The following C15orf40 variants were observed in gnomAD, a reference collection of about 807,000 sequenced individuals.
C15orf40 encodes the protein chromosome 15 open reading frame 40.
In C15orf40, 9 loss-of-function variants were observed where a neutral mutation model predicts 13.9. The ratio of observed to expected loss-of-function variants is 0.65; its 90% confidence interval spans 0.39 to 1.13. The LOEUF (loss-of-function observed/expected upper bound fraction) is 1.13. Ranked by LOEUF, C15orf40 falls within the 50% of genes most tolerant of loss-of-function variation. The pLI, the probability that C15orf40 is intolerant of heterozygous loss-of-function variation, is 0.01. For missense variants in C15orf40, 225 were observed against 188.5 expected (o/e 1.19, Z -1.13); for synonymous variants, 95 against 69.2 (o/e 1.37, Z -1.85).
downstream of C15orf40, among the ~76,000 whole-genome samples, chr15:82,993,004 AAAAT>A (rs933795107): frequency 7.4e-4 from 113 of 152,382 alleles, no homozygotes; most frequent in African/African-American, 2.6e-3. Context: ...GAGAGCAAAT[AAAAT>A]AGTGTCAAAT....
intron 2 of C15orf40, among the ~76,000 whole-genome samples, chr15:83,009,007 T>C (rs889184063): frequency 7.2e-5 from 11 of 152,184 alleles, no homozygotes; most frequent in African/African-American, 2.7e-4. Context: ...CAGGGAGTCA[T>C]AGATGGCCTT....
At chr15:83,009,228 C>T (rs2031865609) in intron 2 of C15orf40, among the ~76,000 whole-genome samples, 1 of 152,204 alleles carries the variant, frequency 6.6e-6, no homozygotes, top group Non-Finnish European at 1.5e-5. Context: ...TAAGCACACA[C>T]AAATGTGTTA....
rs2031579843 is a variant in C15orf40 at position 83,004,702 on chromosome 15, T to A, written c.*895A>T. On this transcript the variant is annotated 3_prime_UTR_variant, in exon 4 of 4. Coordinates refer to ENST00000304177, the MANE Select transcript of C15orf40 (RefSeq NM_144597.3). Reference sequence around the variant, plus strand: ...ATTTTTCTTTACTTTTTCAACAAAATGGTAAATATAGTCTTTAAAAGATGT... The same window carrying A: ...ATTTTTCTTTACTTTTTCAACAAAAAGGTAAATATAGTCTTTAAAAGATGT... 1 of 922,546 alleles carries A rather than the reference T, an allele frequency of 1.1e-6. No individual in the cohort carries two copies. The highest frequency in any genetic ancestry group is 1.2e-4 in the East Asian group (1 of 8,648). 57.1% of individuals were successfully genotyped at this position (922,546 alleles called of 1,614,324 possible). A position where few individuals can be genotyped will look rare whatever the true frequency, so the allele number is the denominator to read the frequency against.
chr15:83,004,896 C>T lies in C15orf40; in HGVS notation c.*701G>A, dbSNP rs2031592489. The T allele has an allele frequency of 1.5e-6, 2 of 1,304,182 alleles. No individual in the cohort carries two copies. Among genetic ancestry groups the T allele is most frequent in the Non-Finnish European group, 2.0e-6 (2 of 988,266 alleles). 80.8% of individuals were successfully genotyped at this position (1,304,182 alleles called of 1,614,324 possible). A position where few individuals can be genotyped will look rare whatever the true frequency, so the allele number is the denominator to read the frequency against. ...TTTAATTTACAATCTAGAAAAACTG[C>T]ATTCAACAAGTAGTCCAAGGATTTG... On this transcript the variant is annotated 3_prime_UTR_variant, in exon 4 of 4. Transcript: ENST00000304177.
Position 83,002,046 on chromosome 15 carries a change from TAC to T in C15orf40, c.*3549_*3550del, listed in dbSNP as rs1303731851. On this transcript the variant is annotated 3_prime_UTR_variant, in exon 4 of 4. Coordinates refer to ENST00000304177, the MANE Select transcript of C15orf40 (RefSeq NM_144597.3). ...CTTCAGCCTCCCAAGTAGCTGAGAT[TAC>T]AGTCATGTACCACCACGCCCAGCTA... The T allele has an allele frequency of 3.3e-5, 5 of 152,238 alleles. No individual in the cohort carries two copies. Among genetic ancestry groups the T allele is most frequent in the Non-Finnish European group, 5.9e-5 (4 of 68,096 alleles). The allele number at this position is 152,238 out of a possible 1,614,324, so 9.4% of individuals were successfully genotyped here. A position where few individuals can be genotyped will look rare whatever the true frequency, so the allele number is the denominator to read the frequency against.
rs548118393 is a variant in C15orf40, at chr15:83,000,165, C to G, written c.*5432G>C. The G allele has an allele frequency of 1.3e-5, 2 of 152,292 alleles. No individual in the cohort carries two copies. The highest frequency in any genetic ancestry group is 3.9e-4 in the East Asian group (2 of 5,192). The allele number at this position is 152,292 out of a possible 1,614,324, so 9.4% of individuals were successfully genotyped here. ...TGATGATTCTCTTAAAGAGATTTCC[C>G]AAAGGGACAGAATGTTCTCACTAGC... is the stretch of plus-strand genomic sequence containing the variant. On this transcript the variant is annotated 3_prime_UTR_variant, in exon 4 of 4. Coordinates refer to ENST00000304177, the MANE Select transcript of C15orf40 (RefSeq NM_144597.3).
At position 83,011,546 on chromosome 15, in the gene C15orf40, G is replaced by C. The variant is rs758473308; in HGVS notation, c.62C>G (p.Ala21Gly). Residue 21 changes from alanine (A) to glycine (G), a missense_variant, in exon 1 of 4, where the codon GCT becomes GGT. Coordinates refer to ENST00000304177, the MANE Select transcript of C15orf40 (RefSeq NM_144597.3). Reference sequence around the variant, plus strand: ...AGGCATCTCGGCGCAAAGAAGCCGAGCGGAGCCCCGAGTATTGGGTGTTGC... The same window carrying C: ...AGGCATCTCGGCGCAAAGAAGCCGACCGGAGCCCCGAGTATTGGGTGTTGC... Reference protein sequence around the residue: ...LRATPNTRGSARLLCAEMPKK... With the variant: ...LRATPNTRGSGRLLCAEMPKK... 2 of 1,606,478 alleles carry C rather than the reference G, an allele frequency of 1.2e-6. No individual in the cohort carries two copies. The highest frequency in any genetic ancestry group is 1.7e-6 in the Non-Finnish European group (2 of 1,178,386).
downstream of C15orf40, chr15:82,990,769 G>T: frequency 1.2e-6 from 1 of 836,898 alleles, no homozygotes. Flanking sequence ...CAACATAGCA[G>T]GTCAAAATTC....
intron 1 of C15orf40, 132 bp from the exon 2 acceptor site, chr15:83,010,495 C>A (rs2031941359): frequency 1.9e-6 from 2 of 1,059,630 alleles, no homozygotes; most frequent in Non-Finnish European, 2.8e-6. Flanking sequence ...GACTTCTGGC[C>A]ACCTAGAAAG....
rs1343648511 is a variant in C15orf40, at chr15:82,996,769, G to C, written c.*8828C>G. 6.6e-6 allele frequency: 1 copy of C among 151,716 alleles called. No individual in the cohort carries two copies. The highest frequency in any genetic ancestry group is 1.5e-5 in the Non-Finnish European group (1 of 67,938). 9.4% of individuals were successfully genotyped at this position (151,716 alleles called of 1,614,324 possible). On this transcript the variant is annotated 3_prime_UTR_variant, in exon 4 of 4. Transcript: ENST00000304177. Reference sequence around the variant, plus strand: ...GCCTGTAATCCCAGTAATTTGGGAGGCCAAGGCGGATGGATCGCCTGAGGT... The same window carrying C: ...GCCTGTAATCCCAGTAATTTGGGAGCCCAAGGCGGATGGATCGCCTGAGGT...
At position 83,002,438 on chromosome 15, in the gene C15orf40, T is replaced by G. The variant is rs907838748; in HGVS notation, c.*3159A>C. On this transcript the variant is annotated 3_prime_UTR_variant, in exon 4 of 4. Transcript: ENST00000304177. ...TATTCAGGTATCCAACTCTCTCTAC[T>G]TCTTTGCTTCTGAGTATGCTGACCC... 6.6e-6 allele frequency: 1 copy of G among 152,282 alleles called. No homozygotes were observed. The highest frequency in any genetic ancestry group is 6.5e-5 in the Admixed American group (1 of 15,288). 9.4% of individuals were successfully genotyped at this position (152,282 alleles called of 1,614,324 possible).
Position 83,001,710 on chromosome 15 carries a change from C to T in C15orf40, c.*3887G>A, listed in dbSNP as rs537528005. The T allele has an allele frequency of 1.3e-5, 2 of 152,374 alleles. No individual in the cohort carries two copies. Among genetic ancestry groups the T allele is most frequent in the East Asian group, 3.9e-4 (2 of 5,186 alleles). The allele number at this position is 152,374 out of a possible 1,614,324, so 9.4% of individuals were successfully genotyped here. On this transcript the variant is annotated 3_prime_UTR_variant, in exon 4 of 4. Transcript: ENST00000304177. ...GATGAAAAGTACATTAACTGAGCTT[C>T]TACAGCAGGTCAAGGTGCCCAAGCC... is the stretch of plus-strand genomic sequence containing the variant.
chr15:83,004,545 CTCTTTCT>C lies in C15orf40; in HGVS notation c.*1045_*1051del, dbSNP rs1467406320. The C allele has an allele frequency of 9.6e-6, 8 of 835,152 alleles. No homozygotes were observed. The African/African-American group carries it at 1.5e-4, about 15-fold the overall frequency. 51.7% of individuals were successfully genotyped at this position (835,152 alleles called of 1,614,324 possible). A position where few individuals can be genotyped will look rare whatever the true frequency, so the allele number is the denominator to read the frequency against. On this transcript the variant is annotated 3_prime_UTR_variant, in exon 4 of 4. Transcript: ENST00000304177. The stretch of plus-strand genomic sequence containing the variant: ...AAATACTGAAAATAGCTTCCAAGTC[CTCTTTCT>C]TCTTTTAAGGATCTTTGGAGATTCA...
At position 83,005,647 on chromosome 15, in the gene C15orf40, T is replaced by C. The variant is rs1843149786; in HGVS notation, c.412A>G (p.Thr138Ala). The C allele has an allele frequency of 6.2e-7, 1 of 1,612,380 alleles. No homozygotes were observed. Among genetic ancestry groups the C allele is most frequent in the African/African-American group, 1.3e-5 (1 of 74,844 alleles). The change falls in exon 4 of 4, where the codon ACT becomes GCT. Residue 138 changes from threonine (T) to alanine (A), a missense_variant. Coordinates refer to ENST00000304177, the MANE Select transcript of C15orf40 (RefSeq NM_144597.3). ...AATTTCTCCAAGATCTCTTCTGGAG[T>C]TGTAGAAGCCAAAAGCTTCACCACC... ...EKVVKLLAST[T>A]PEEILEKLKK... is the part of the protein sequence containing the mutation.
At chr15:82,989,808 C>A, downstream of C15orf40, 1 of 1,527,334 alleles carries the variant, frequency 6.5e-7, no homozygotes, top group Non-Finnish European at 8.9e-7. Context: ...AAACCAGAAG[C>A]ACTGCTATGG....
chr15:82,992,587 T>C (rs2030908506), downstream of C15orf40, among the ~76,000 whole-genome samples: 1 of 152,166 alleles, frequency 6.6e-6, no homozygotes, highest in Non-Finnish European at 1.5e-5. Context: ...TGGGACAGTA[T>C]AGCTGACTGT....
chr15:83,005,318 CTT>C lies in C15orf40; in HGVS notation c.*277_*278del, dbSNP rs1233119905. 1.0e-5 allele frequency: 10 copies of C among 968,194 alleles called. No homozygotes were observed. The highest frequency in any genetic ancestry group is 1.8e-5 in the African/African-American group (1 of 56,694). 60.0% of individuals were successfully genotyped at this position (968,194 alleles called of 1,614,324 possible). A position where few individuals can be genotyped will look rare whatever the true frequency, so the allele number is the denominator to read the frequency against. Reference sequence around the variant, plus strand: ...TTTTTCGGGGGGAGAGAGTTTCACTCTTGTTGCCCAGGCTGGAGTGCAACGGC... The same window carrying C: ...TTTTTCGGGGGGAGAGAGTTTCACTCGTTGCCCAGGCTGGAGTGCAACGGC... On this transcript the variant is annotated 3_prime_UTR_variant, in exon 4 of 4. Coordinates refer to ENST00000304177, the MANE Select transcript of C15orf40 (RefSeq NM_144597.3).
In C15orf40 at chr15:83,004,554, CT is replaced by C; in HGVS notation, c.*1042del. On this transcript the variant is annotated 3_prime_UTR_variant, in exon 4 of 4. Transcript: ENST00000304177. The stretch of plus-strand genomic sequence containing the variant: ...AAATAGCTTCCAAGTCCTCTTTCTT[CT>C]TTTAAGGATCTTTGGAGATTCATAA... 4.7e-6 allele frequency: 4 copies of C among 856,786 alleles called. No homozygotes were observed. Among genetic ancestry groups the C allele is most frequent in the Non-Finnish European group, 5.6e-6 (4 of 712,968 alleles). The allele number at this position is 856,786 out of a possible 1,614,324, so 53.1% of individuals were successfully genotyped here.
chr15:83,011,327 G>A, intron 1 of C15orf40, 170 bp downstream of exon 1: 1 of 675,404 alleles, frequency 1.5e-6, no homozygotes, highest in Non-Finnish European at 2.2e-6. Flanking sequence ...GCGGGGCGAC[G>A]GCAGCAGGCC....
Sources: allele counts gnomAD v4.1 joint callset (sites outside exome capture counted in the v4.1 genomes callset), GRCh38; gene constraint gnomAD v4.1.1; transcripts MANE v1.5; gene names NCBI Gene and HGNC (gene_info 2026-07-23, HGNC 2026-07-21).